The following MTA3 variants were observed in gnomAD, a reference collection of about 807,000 sequenced individuals.
MTA3 encodes the protein metastasis-associated protein MTA3.
A neutral mutation model predicts 83.5 loss-of-function variants in MTA3; 34 were observed. That is an observed-to-expected ratio of 0.41 (90% CI 0.31 to 0.54). The LOEUF (loss-of-function observed/expected upper bound fraction) is 0.54, where lower values mean the gene tolerates loss of function less well. Ranked by LOEUF, MTA3 falls within the 20% of genes least tolerant of loss-of-function variation. The pLI is 0.33. For missense variants in MTA3, 761 were observed against 726.4 expected, an observed-to-expected ratio of 1.05 and a Z score of -0.55; for synonymous variants, 303 against 252.7, an observed-to-expected ratio of 1.20 and a Z score of -1.89.
chr2:42,494,283 C>T (rs1020848204), upstream of MTA3, among the ~76,000 whole-genome samples: 3 of 152,146 alleles, frequency 2.0e-5, no homozygotes, highest in Non-Finnish European at 2.9e-5. Flanking sequence ...TGCCTGCTCC[C>T]GCGTCCTGCC....
chr2:42,671,061 C>T (rs565751756), intron 8 of MTA3, among the ~76,000 whole-genome samples: 2 of 152,114 alleles, frequency 1.3e-5, no homozygotes, highest in South Asian at 2.1e-4. Context: ...TAGTCTCTTT[C>T]ATTCCTGAAC....
upstream of MTA3, among the ~76,000 whole-genome samples, chr2:42,566,031 C>G (rs1483989900): frequency 6.6e-6 from 1 of 151,976 alleles, no homozygotes. Flanking sequence ...TTTTTTCTAC[C>G]ATAAGCCTTT....
At chr2:42,644,814 A>G (rs1688022390) in intron 6 of MTA3, among the ~76,000 whole-genome samples, 1 of 152,176 alleles carries the variant, frequency 6.6e-6, no homozygotes, top group Admixed American at 6.5e-5. Flanking sequence ...ATATGAAAGG[A>G]TAAACTGAAT....
chr2:42,725,163 A>T (rs1044731086), intron 16 of MTA3, among the ~76,000 whole-genome samples: 7 of 152,248 alleles, frequency 4.6e-5, no homozygotes, highest in African/African-American at 9.6e-5. Flanking sequence ...CTGGGAGGTC[A>T]GGGAATTTGT....
At chr2:42,700,658 G>A (rs1328494894) in intron 11 of MTA3, among the ~76,000 whole-genome samples, 1 of 152,138 alleles carries the variant, frequency 6.6e-6, no homozygotes, top group Non-Finnish European at 1.5e-5. Flanking sequence ...ACCCCAAGGG[G>A]AAATCAGTTC....
chr2:42,572,586 T>A (rs1487881738), intron 2 of MTA3, among the ~76,000 whole-genome samples: 2 of 151,790 alleles, frequency 1.3e-5, no homozygotes, highest in Non-Finnish European at 2.9e-5. Context: ...AAAAAAAAAA[T>A]TATGGTTTTG....
At chr2:42,642,993 A>G (rs2104309377) in intron 5 of MTA3, among the ~76,000 whole-genome samples, 1 of 151,388 alleles carries the variant, frequency 6.6e-6, no homozygotes, top group South Asian at 2.1e-4. Flanking sequence ...TTCCTTAGAT[A>G]GCACTTTAAC....
chr2:42,709,134 C>T, intron 14 of MTA3, 38 bp downstream of exon 14: 3 of 1,532,134 alleles, frequency 2.0e-6, no homozygotes, highest in Non-Finnish European at 2.6e-6. Flanking sequence ...ATATGTTGTG[C>T]TTCTGACCAT....
At chr2:42,694,640 AG>A (rs1429580474) in intron 9 of MTA3, among the ~76,000 whole-genome samples, 1 of 152,094 alleles carries the variant, frequency 6.6e-6, no homozygotes, top group Non-Finnish European at 1.5e-5. Flanking sequence ...GGGATGGGAG[AG>A]GGGTGGCATC....
At chr2:42,699,264 C>T (rs1418418676) in intron 11 of MTA3, among the ~76,000 whole-genome samples, 1 of 152,114 alleles carries the variant, frequency 6.6e-6, no homozygotes, top group Non-Finnish European at 1.5e-5. Context: ...TGCAGTGGTG[C>T]AGTCATGGCT....
intron 4 of MTA3, among the ~76,000 whole-genome samples, chr2:42,615,648 C>T (rs1248482785): frequency 6.6e-6 from 1 of 150,402 alleles, no homozygotes; most frequent in African/African-American, 2.4e-5. Flanking sequence ...GCCACTGCGC[C>T]TGGCCAATTT....
At chr2:42,606,836 G>C (rs964837223) in intron 3 of MTA3, among the ~76,000 whole-genome samples, 145 of 149,252 alleles carry the variant, frequency 9.7e-4, no homozygotes, top group Non-Finnish European at 2.1e-4. Flanking sequence ...CCGGCACCTC[G>C]GGAGGCCGAG....
At chr2:42,547,827 G>C (rs1442066398) in intron 2 of MTA3, among the ~76,000 whole-genome samples, 3 of 149,462 alleles carry the variant, frequency 2.0e-5, no homozygotes. Context: ...GCTTTAACGC[G>C]ACTAAGAAAA....
chr2:42,615,866 G>A (rs1396127966), intron 4 of MTA3, among the ~76,000 whole-genome samples: 1 of 149,916 alleles, frequency 6.7e-6, no homozygotes, highest in Non-Finnish European at 1.5e-5. Flanking sequence ...GACTACAGGC[G>A]CCTGCCACCA....
chr2:42,607,475 G>A (rs1476640336), intron 3 of MTA3, among the ~76,000 whole-genome samples: 5 of 152,108 alleles, frequency 3.3e-5, no homozygotes, highest in African/African-American at 4.8e-5. Flanking sequence ...CACCTCCTGG[G>A]CTCAAGCGAT....
intron 3 of MTA3, among the ~76,000 whole-genome samples, chr2:42,596,443 G>T (rs1376287116): frequency 6.6e-6 from 1 of 152,078 alleles, no homozygotes; most frequent in Non-Finnish European, 1.5e-5. Context: ...TTTTATTTTT[G>T]TAAGTGACAT....
At chr2:42,573,274 C>T (rs1454705060) in intron 2 of MTA3, among the ~76,000 whole-genome samples, 1 of 152,158 alleles carries the variant, frequency 6.6e-6, no homozygotes, top group Non-Finnish European at 1.5e-5. Context: ...TGACCTAGGA[C>T]ATTCTTAGTT....
chr2:42,616,246 TG>T, intron 4 of MTA3, among the ~76,000 whole-genome samples: 1 of 152,000 alleles, frequency 6.6e-6, no homozygotes, highest in Admixed American at 6.6e-5. Flanking sequence ...TATTTTTAGT[TG>T]AGACGGGGTT....
rs1553379081 is a variant in MTA3 at position 42,667,578 on chromosome 2, G to GTGTGTGTGTGTGTGTGTGTT, written c.702+7735_702+7736insTTGTGTGTGTGTGTGTGTGT. Among the ~76,000 whole-genome samples, 1,169 of 129,874 alleles carry GTGTGTGTGTGTGTGTGTGTT rather than the reference G, an allele frequency of 9.0e-3. 9 individuals carry two copies. Among genetic ancestry groups the GTGTGTGTGTGTGTGTGTGTT allele is most frequent in the East Asian group, 0.02 (96 of 4,790 alleles). The allele number at this position is 129,874 out of a possible 152,430, so 85.2% of individuals were successfully genotyped here. ...TTTCCATCATTTAAAAATTGTGTGT[G>GTGTGTGTGTGTGTGTGTGTT]TGTGTGTGTGTGTGTGTGTGTGTGT... On this transcript the variant is annotated intron_variant, in intron 8 of 16. Coordinates refer to ENST00000405094, the MANE Select transcript of MTA3 (RefSeq NM_001330442.2).
Sources: allele counts gnomAD v4.1 joint callset (sites outside exome capture counted in the v4.1 genomes callset), GRCh38; gene constraint gnomAD v4.1.1; transcripts MANE v1.5; gene names NCBI Gene and HGNC (gene_info 2026-07-23, HGNC 2026-07-21).